The following DLGAP1 variants were observed in gnomAD, a reference collection of about 807,000 sequenced individuals.
The protein encoded by DLGAP1 is DLG associated protein 1.
A neutral mutation model predicts 90.8 loss-of-function variants in DLGAP1; 11 were observed. That is an observed-to-expected ratio of 0.12 (90% CI 0.08 to 0.20). DLGAP1 has a LOEUF of 0.20. Ranked by LOEUF, DLGAP1 falls within the 10% of genes least tolerant of loss-of-function variation. The pLI, the probability that DLGAP1 is intolerant of heterozygous loss-of-function variation, is 1.00. For synonymous variants in DLGAP1, 558 were observed against 540.7 expected (o/e 1.03, Z -0.44); for missense variants, 1,050 against 1,333.8 (o/e 0.79, Z 3.31).
intron 7 of DLGAP1, among the ~76,000 whole-genome samples, chr18:3,586,696 ATT>A (rs1405056545): frequency 6.6e-6 from 1 of 152,100 alleles, no homozygotes. Flanking sequence ...CCCCTTCTTC[ATT>A]TTCCAATTCT....
intron 1 of DLGAP1, among the ~76,000 whole-genome samples, chr18:4,368,803 T>C (rs1449009735): frequency 3.3e-5 from 5 of 152,030 alleles, no homozygotes; most frequent in African/African-American, 1.2e-4. Context: ...ATGCCCAATA[T>C]AATATTGAAA....
intron 2 of DLGAP1, among the ~76,000 whole-genome samples, chr18:4,117,273 T>A (rs2076077719): frequency 6.6e-6 from 1 of 152,226 alleles, no homozygotes; most frequent in South Asian, 2.1e-4. Flanking sequence ...AGCCACATAG[T>A]CTGTAGTACT....
intron 7 of DLGAP1, among the ~76,000 whole-genome samples, chr18:3,728,365 C>T (rs2160757): frequency 0.2 from 29,786 of 148,690 alleles, 3,596 homozygotes; most frequent in East Asian, 0.5. Flanking sequence ...ATATAGCCCA[C>T]GGTATATATA....
intron 9 of DLGAP1, among the ~76,000 whole-genome samples, chr18:3,544,844 A>T (rs986929666): frequency 6.6e-6 from 1 of 151,874 alleles, no homozygotes; most frequent in African/African-American, 2.4e-5. Context: ...GTCTCAAGGG[A>T]TCCTCCTACC....
chr18:3,588,800 AG>A, intron 7 of DLGAP1, among the ~76,000 whole-genome samples: 2 of 151,496 alleles, frequency 1.3e-5, no homozygotes, highest in Non-Finnish European at 2.9e-5. Context: ...AAAAGAAAAA[AG>A]AAAGAAAGAC....
chr18:4,281,695 T>C (rs1216548180), intron 1 of DLGAP1, among the ~76,000 whole-genome samples: 1 of 152,098 alleles, frequency 6.6e-6, no homozygotes, highest in African/African-American at 2.4e-5. Context: ...TTCTGTAGGG[T>C]CAAAAAATAT....
intron 7 of DLGAP1, among the ~76,000 whole-genome samples, chr18:3,643,662 C>CAAAAAA (rs538678987): frequency 1.4e-4 from 9 of 64,940 alleles, no homozygotes; most frequent in Non-Finnish European, 2.1e-4. Flanking sequence ...GACTCCATCT[C>CAAAAAA]AAAAAAAAAA....
At chr18:3,669,606 C>T (rs976528584) in intron 7 of DLGAP1, among the ~76,000 whole-genome samples, 4 of 152,200 alleles carry the variant, frequency 2.6e-5, no homozygotes, top group Non-Finnish European at 2.9e-5. Context: ...CCGCGACCTG[C>T]GGAATGAGGG....
Position 3,669,015 on chromosome 18 carries a change from T to C in DLGAP1, c.1591+60120A>G, listed in dbSNP as rs952586399. Among the ~76,000 whole-genome samples, 7 of 151,808 alleles carry C rather than the reference T, an allele frequency of 4.6e-5. No homozygotes were observed. The East Asian group carries it at 5.8e-4, about 13-fold the overall frequency. The stretch of plus-strand genomic sequence containing the variant: ...AATAAATAAATAAATTAAAAAGCAA[T>C]AGAATGATCTACATAATATTTGACA... On this transcript the variant is annotated intron_variant, in intron 7 of 12. Coordinates refer to ENST00000315677, the MANE Select transcript of DLGAP1 (RefSeq NM_004746.4).
intron 8 of DLGAP1, chr18:3,580,395 A>G: frequency 2.5e-6 from 4 of 1,613,862 alleles, no homozygotes; most frequent in Non-Finnish European, 3.4e-6. Flanking sequence ...CCTAAGCACC[A>G]GGTGGACAGC....
At chr18:4,310,264 A>ACATTTTCTCCT (rs1191110566) in intron 1 of DLGAP1, among the ~76,000 whole-genome samples, 1 of 152,090 alleles carries the variant, frequency 6.6e-6, no homozygotes, top group Non-Finnish European at 1.5e-5. Context: ...ATTAGATTAC[A>ACATTTTCTCCT]CATTTTCTCC....
At chr18:4,325,245 C>A in intron 1 of DLGAP1, among the ~76,000 whole-genome samples, 1 of 152,224 alleles carries the variant, frequency 6.6e-6, no homozygotes, top group Non-Finnish European at 1.5e-5. Context: ...ATCAGGAACA[C>A]AATCCCATTT....
intron 7 of DLGAP1, among the ~76,000 whole-genome samples, chr18:3,699,492 T>C (rs1292451021): frequency 2.0e-5 from 3 of 152,214 alleles, no homozygotes; most frequent in African/African-American, 7.2e-5. Flanking sequence ...CAAAGATTGC[T>C]GTTCTTTCCT....
intron 5 of DLGAP1, among the ~76,000 whole-genome samples, chr18:3,795,029 G>A (rs1226048826): frequency 6.6e-6 from 1 of 152,182 alleles, no homozygotes; most frequent in South Asian, 2.1e-4. Context: ...TTATTTATTG[G>A]TCAGGGAGAA....
At chr18:3,561,350 C>G (rs1439977856) in intron 9 of DLGAP1, among the ~76,000 whole-genome samples, 1 of 141,084 alleles carries the variant, frequency 7.1e-6, no homozygotes, top group Non-Finnish European at 1.5e-5. Context: ...GCAGGAGTAT[C>G]GCTTGAACCT....
chr18:3,796,264 ACTCTT>A (rs1751001769), intron 5 of DLGAP1, among the ~76,000 whole-genome samples: 2 of 151,642 alleles, frequency 1.3e-5, no homozygotes, highest in African/African-American at 4.8e-5. Flanking sequence ...GGAGGGAACA[ACTCTT>A]CTCTTCTCAT....
At chr18:4,221,370 G>A (rs1038174595) in intron 1 of DLGAP1, among the ~76,000 whole-genome samples, 1 of 151,946 alleles carries the variant, frequency 6.6e-6, no homozygotes, top group Non-Finnish European at 1.5e-5. Context: ...AGAGCTCTCT[G>A]TACATATGAC....
intron 8 of DLGAP1, chr18:3,580,718 T>C (rs538883036): frequency 6.2e-7 from 1 of 1,613,838 alleles, no homozygotes; most frequent in Admixed American, 1.7e-5. Flanking sequence ...ACCACAGGCC[T>C]CTCAGGACCA....
At chr18:4,363,797 C>T (rs2081688319) in intron 1 of DLGAP1, among the ~76,000 whole-genome samples, 1 of 152,156 alleles carries the variant, frequency 6.6e-6, no homozygotes, top group South Asian at 2.1e-4. Context: ...AACACTTTTA[C>T]AAGGTTGGTG....
Sources: gnomAD v4.1 joint callset for allele counts (sites outside exome capture counted in the v4.1 genomes callset) on GRCh38, gnomAD v4.1.1 for gene constraint, MANE v1.5 for transcripts, NCBI Gene and HGNC (gene_info 2026-07-23, HGNC 2026-07-21) for gene names.